The following COL22A1 variants were observed in gnomAD, a reference collection of about 807,000 sequenced individuals.
The protein encoded by COL22A1 is collagen type XXII alpha 1 chain, also known as collagen alpha-1(XXII) chain.
A neutral mutation model predicts 248.9 loss-of-function variants in COL22A1; 221 were observed. That is an observed-to-expected ratio of 0.89 (90% CI 0.80 to 0.99). COL22A1 has a LOEUF of 0.99. COL22A1 is among the 50% of genes least tolerant of loss of function. The pLI is 0.00. For missense variants in COL22A1, 2,240 were observed against 2,179.0 expected, an observed-to-expected ratio of 1.03 and a Z score of -0.56; for synonymous variants, 891 against 793.4, an observed-to-expected ratio of 1.12 and a Z score of -2.07.
intron 1 of COL22A1, among the ~76,000 whole-genome samples, chr8:138,898,262 A>T (rs1182121798): frequency 6.6e-6 from 1 of 152,212 alleles, no homozygotes; most frequent in Non-Finnish European, 1.5e-5. Flanking sequence ...CCCCAGAAAG[A>T]CAAAGCTCCT....
chr8:138,869,698 C>A (rs777293052), intron 3 of COL22A1, among the ~76,000 whole-genome samples: 1 of 152,192 alleles, frequency 6.6e-6, no homozygotes, highest in Non-Finnish European at 1.5e-5. Context: ...ATTACGATTT[C>A]TATTTGGTGA....
chr8:138,673,678 G>A (rs1332976244), intron 41 of COL22A1, among the ~76,000 whole-genome samples: 4 of 152,142 alleles, frequency 2.6e-5, no homozygotes, highest in Admixed American at 2.0e-4. Context: ...CCCTGCCCTG[G>A]GCTGGCTGTG....
At chr8:138,700,070 GCCGAGGCACACTGGGCACC>G in intron 32 of COL22A1, 23 bp downstream of exon 32, 1 of 1,602,734 alleles carries the variant, frequency 6.2e-7, no homozygotes, top group Non-Finnish European at 8.5e-7. Flanking sequence ...TGCCCTCCAG[GCCGAGGCACACTGGGCACC>G]CCGAGGCACC....
chr8:138,660,964 GCACACACACATA>G (rs1554736288), intron 43 of COL22A1, among the ~76,000 whole-genome samples: 5 of 123,088 alleles, frequency 4.1e-5, no homozygotes, highest in African/African-American at 1.6e-4. Flanking sequence ...AGACACACAC[GCACACACACATA>G]CACACACACA....
At chr8:138,846,501 C>T (rs1386889725) in intron 3 of COL22A1, among the ~76,000 whole-genome samples, 1 of 152,128 alleles carries the variant, frequency 6.6e-6, no homozygotes, top group Middle Eastern at 3.2e-3. Context: ...CTGCAAATTC[C>T]CTCTGGGGCC....
At chr8:138,721,802 A>G (rs1829888636) in intron 26 of COL22A1, among the ~76,000 whole-genome samples, 1 of 152,242 alleles carries the variant, frequency 6.6e-6, no homozygotes, top group African/African-American at 2.4e-5. Context: ...TACAGCTGTG[A>G]GCCACTGTGC....
chr8:138,609,567 C>T (rs936641911), intron 56 of COL22A1, among the ~76,000 whole-genome samples: 5 of 152,194 alleles, frequency 3.3e-5, no homozygotes, highest in Non-Finnish European at 5.9e-5. Flanking sequence ...CATACTCGGC[C>T]CTTCCGCGAA....
chr8:138,807,603 G>A (rs1200181883), intron 10 of COL22A1, among the ~76,000 whole-genome samples, 165 bp downstream of exon 10: 1 of 152,114 alleles, frequency 6.6e-6, no homozygotes. Context: ...AGGCTCCCAG[G>A]ATTTCAGACT....
chr8:138,668,987 G>T (rs184698043), intron 41 of COL22A1, among the ~76,000 whole-genome samples: 1 of 152,188 alleles, frequency 6.6e-6, no homozygotes, highest in African/African-American at 2.4e-5. Context: ...AGAACACTAC[G>T]CAAAGAGGAG....
In COL22A1 at chr8:138,737,812, G is replaced by A. The variant is rs376946515; in HGVS notation, c.2086-235C>T. Among the ~76,000 whole-genome samples the A allele has an allele frequency of 4.0e-5, 6 of 151,898 alleles. No homozygotes were observed. In the South Asian group the frequency reaches 8.4e-4, roughly 21 times the overall value. Reference sequence around the variant, plus strand: ...CCAGCTCTGTAACTTAAATGTGTTCGGTAACTCATGGACCCATGTTCAAAA... The same window carrying A: ...CCAGCTCTGTAACTTAAATGTGTTCAGTAACTCATGGACCCATGTTCAAAA... On this transcript the variant is annotated intron_variant, in intron 22 of 64. Coordinates refer to ENST00000303045, the MANE Select transcript of COL22A1 (RefSeq NM_152888.3).
chr8:138,877,810 C>T lies in COL22A1; in HGVS notation c.598G>A (p.Val200Met), dbSNP rs1823849010. 1.2e-6 allele frequency: 2 copies of T among 1,611,370 alleles called. No homozygotes were observed. Among genetic ancestry groups the T allele is most frequent in the East Asian group, 2.2e-5 (1 of 44,816 alleles). ...SEPKSAHVFH[V>M]SDFNAIDKIR... ...TTGTCGATGGCATTGAAGTCGGACA[C>T]GTGGAAGACGTGGGCGGACTTGGGC... Residue 200 changes from valine to methionine, a missense_variant, in exon 3 of 65, where the codon GTG (valine) becomes ATG (methionine). Transcript: ENST00000303045.
At chr8:138,807,928 C>T (rs779083854) in intron 9 of COL22A1, 116 bp from the exon 10 acceptor site, 31 of 1,009,900 alleles carry the variant, frequency 3.1e-5, no homozygotes, top group Admixed American at 6.1e-5. Context: ...GTAAGCCCAG[C>T]GCCGACCAAT....
At chr8:138,701,830 A>G (rs1428048814) in intron 31 of COL22A1, among the ~76,000 whole-genome samples, 1 of 152,240 alleles carries the variant, frequency 6.6e-6, no homozygotes, top group African/African-American at 2.4e-5. Flanking sequence ...TTCAATATGC[A>G]GTGATTGACT....
chr8:138,863,118 C>G (rs1563857418), intron 3 of COL22A1, among the ~76,000 whole-genome samples: 1 of 152,218 alleles, frequency 6.6e-6, no homozygotes, highest in African/African-American at 2.4e-5. Context: ...ATAAAGTCCT[C>G]TGCTAGCCCA....
rs563424817 is a variant in COL22A1, at chr8:138,855,456, G to A, written c.659-11298C>T. On this transcript the variant is annotated intron_variant, in intron 3 of 64. Coordinates refer to ENST00000303045, the MANE Select transcript of COL22A1 (RefSeq NM_152888.3). ...CCTTGCTGCTGCCTGCTAGGCCGGG[G>A]GAGAGCAGGCTCGGCTCCTCATTTG... Among the ~76,000 whole-genome samples, 5 of 152,302 alleles carry A rather than the reference G, an allele frequency of 3.3e-5. No homozygotes were observed. In the South Asian group the frequency reaches 8.3e-4, roughly 25 times the overall value.
intron 3 of COL22A1, among the ~76,000 whole-genome samples, chr8:138,859,787 G>T (rs1425079368): frequency 6.6e-6 from 1 of 152,172 alleles, no homozygotes; most frequent in Non-Finnish European, 1.5e-5. Context: ...GCATCGGTGT[G>T]GCCTCCCACC....
intron 62 of COL22A1, among the ~76,000 whole-genome samples, chr8:138,595,516 C>T (rs1817459750): frequency 6.6e-6 from 1 of 152,154 alleles, no homozygotes; most frequent in African/African-American, 2.4e-5. Context: ...ACACCACCCA[C>T]CCATGGTGCC....
chr8:138,686,443 G>C (rs1277355638), intron 37 of COL22A1, among the ~76,000 whole-genome samples: 2 of 152,212 alleles, frequency 1.3e-5, no homozygotes, highest in Admixed American at 6.5e-5. Context: ...TTCTCAGATG[G>C]AGCAGAGGTA....
At chr8:138,624,240 A>G (rs2131962035) in intron 51 of COL22A1, among the ~76,000 whole-genome samples, 1 of 152,300 alleles carries the variant, frequency 6.6e-6, no homozygotes, top group African/African-American at 2.4e-5. Flanking sequence ...CTGTGGGCAC[A>G]GGAGGGGCTC....
Sources: allele counts gnomAD v4.1 joint callset (sites outside exome capture counted in the v4.1 genomes callset), GRCh38; gene constraint gnomAD v4.1.1; transcripts MANE v1.5; gene names NCBI Gene and HGNC (gene_info 2026-07-23, HGNC 2026-07-21).